Variants in LRRC4C observed in about 807,000 individuals in gnomAD.
The protein encoded by LRRC4C is leucine-rich repeat-containing protein 4C.
A neutral mutation model predicts 33.6 loss-of-function variants in LRRC4C; 5 were observed. The ratio of observed to expected loss-of-function variants is 0.15; its 90% CI spans 0.08 to 0.31. LRRC4C has a LOEUF of 0.31. LRRC4C is among the 10% of genes least tolerant of loss of function. The pLI is 1.00. For missense variants in LRRC4C, 560 were observed against 796.7 expected (o/e 0.70, Z 3.58); for synonymous variants, 329 against 302.0 (o/e 1.09, Z -0.93).
chr11:40,305,036 A>T (rs1439139328), intron 4 of LRRC4C, among the ~76,000 whole-genome samples: 1 of 152,172 alleles, frequency 6.6e-6, no homozygotes, highest in Non-Finnish European at 1.5e-5. Context: ...AAGTGCTGGG[A>T]TTACAGGCAT....
chr11:40,127,128 G>A (rs1490256186), intron 6 of LRRC4C, among the ~76,000 whole-genome samples: 2 of 151,040 alleles, frequency 1.3e-5, no homozygotes, highest in Admixed American at 1.3e-4. Flanking sequence ...AATACAAAAA[G>A]TAGCTGGGCA....
chr11:40,693,326 CAT>C (rs1565641939), intron 2 of LRRC4C, among the ~76,000 whole-genome samples: 2 of 152,026 alleles, frequency 1.3e-5, no homozygotes, highest in Non-Finnish European at 2.9e-5. Flanking sequence ...AGTTGATAGC[CAT>C]ATATAATGAT....
In LRRC4C at chr11:40,831,634, TA is replaced by T. The variant is rs539566661; in HGVS notation, c.-407+102000del. Among the ~76,000 whole-genome samples the T allele has an allele frequency of 1.5e-3, 229 of 152,194 alleles. 2 individuals are homozygous for T. The highest frequency in any genetic ancestry group is 5.4e-3 in the African/African-American group (225 of 41,538). ...GAAATACCCGAGACTGGGTAAATTA[TA>T]AAGAAAAAGAGGTTTAATGGACTCA... On this transcript the variant is annotated intron_variant, in intron 2 of 6. Coordinates refer to ENST00000528697, the MANE Select transcript of LRRC4C (RefSeq NM_001258419.2).
chr11:41,089,862 T>A (rs958604363), intron 1 of LRRC4C, among the ~76,000 whole-genome samples: 2 of 152,140 alleles, frequency 1.3e-5, no homozygotes, highest in African/African-American at 4.8e-5. Flanking sequence ...GATTTCTAAT[T>A]TTTAGTAATA....
chr11:40,199,400 G>A (rs1862525103), intron 5 of LRRC4C, among the ~76,000 whole-genome samples: 1 of 152,092 alleles, frequency 6.6e-6, no homozygotes, highest in South Asian at 2.1e-4. Context: ...TGTGGTTGTT[G>A]GGGAAGGAGG....
chr11:41,200,760 A>G (rs1946371902), intron 1 of LRRC4C, among the ~76,000 whole-genome samples: 1 of 152,188 alleles, frequency 6.6e-6, no homozygotes, highest in African/African-American at 2.4e-5. Flanking sequence ...TTCTTTTAAA[A>G]CAGTATTTTT....
chr11:40,366,249 A>G (rs1036428608), intron 3 of LRRC4C, among the ~76,000 whole-genome samples: 1 of 152,098 alleles, frequency 6.6e-6, no homozygotes, highest in African/African-American at 2.4e-5. Flanking sequence ...TTTATGGTGT[A>G]TTTGGATAAT....
intron 2 of LRRC4C, among the ~76,000 whole-genome samples, chr11:40,823,802 C>G (rs538903838): frequency 6.6e-6 from 1 of 151,874 alleles, no homozygotes; most frequent in East Asian, 1.9e-4. Flanking sequence ...CATAAACTTA[C>G]CCTATGACCT....
chr11:40,634,973 A>G, intron 3 of LRRC4C, among the ~76,000 whole-genome samples: 1 of 151,612 alleles, frequency 6.6e-6, no homozygotes. Flanking sequence ...ATTAATATTT[A>G]TCTGATCTCA....
intron 3 of LRRC4C, among the ~76,000 whole-genome samples, chr11:40,357,671 TTC>T (rs144048959): frequency 5.4e-4 from 80 of 147,788 alleles, no homozygotes; most frequent in Non-Finnish European, 5.4e-4. Context: ...TGAAAAACCC[TTC>T]TCTCTCTCTC....
intron 1 of LRRC4C, among the ~76,000 whole-genome samples, chr11:41,195,393 C>A (rs963654305): frequency 6.6e-6 from 1 of 151,948 alleles, no homozygotes; most frequent in Non-Finnish European, 1.5e-5. Context: ...TTTAAAAAAA[C>A]AAAATTATTA....
chr11:41,249,325 C>T (rs910380999), intron 1 of LRRC4C, among the ~76,000 whole-genome samples: 1 of 152,096 alleles, frequency 6.6e-6, no homozygotes, highest in Non-Finnish European at 1.5e-5. Flanking sequence ...TGAGCCACCG[C>T]GCCCGGCCAA....
intron 2 of LRRC4C, among the ~76,000 whole-genome samples, chr11:40,770,501 A>G (rs1373380774): frequency 6.6e-6 from 1 of 152,024 alleles, no homozygotes; most frequent in Non-Finnish European, 1.5e-5. Flanking sequence ...TCCCTCCCAA[A>G]CCTCATGTTT....
chr11:40,799,466 T>A (rs1311685556), intron 2 of LRRC4C, among the ~76,000 whole-genome samples: 1 of 152,168 alleles, frequency 6.6e-6, no homozygotes, highest in African/African-American at 2.4e-5. Context: ...TTAACCTAGA[T>A]TTGAATCCTA....
chr11:40,162,832 C>A (rs1859268818), intron 5 of LRRC4C, among the ~76,000 whole-genome samples: 1 of 152,172 alleles, frequency 6.6e-6, no homozygotes, highest in Non-Finnish European at 1.5e-5. Flanking sequence ...CCAAATACAA[C>A]AATGAGGCAC....
At chr11:40,254,250 A>G (rs2136203379) in intron 4 of LRRC4C, among the ~76,000 whole-genome samples, 1 of 152,342 alleles carries the variant, frequency 6.6e-6, no homozygotes, top group East Asian at 1.9e-4. Flanking sequence ...CTGATAAAAT[A>G]CCATGTTAGC....
At chr11:40,683,866 C>T (rs961735931) in intron 2 of LRRC4C, among the ~76,000 whole-genome samples, 1 of 152,182 alleles carries the variant, frequency 6.6e-6, no homozygotes, top group Non-Finnish European at 1.5e-5. Context: ...AAAACATAAA[C>T]TCTGCTAAAA....
chr11:40,871,007 G>T (rs544741057), intron 2 of LRRC4C, among the ~76,000 whole-genome samples: 1 of 152,082 alleles, frequency 6.6e-6, no homozygotes, highest in Admixed American at 6.6e-5. Context: ...CCACTTCGGC[G>T]GGGCGGCCGT....
In LRRC4C at chr11:40,115,348, C is replaced by A. The variant is rs151083424; in HGVS notation, c.945G>T (p.Trp315Cys). ...CNCDILWLSWWIKDMAPSNTA... is the reference protein window; with the variant it reads ...CNCDILWLSWCIKDMAPSNTA... ...TGTTCGAGGGGGCCATGTCTTTTAT[C>A]CACCAGCTGAGCCACAGTATGTCAC... The change falls in exon 7 of 7, where the codon TGG becomes TGT. Residue 315 changes from tryptophan (W) to cysteine (C), a missense_variant. Physicochemically the swap from Trp to Cys is radical, Grantham distance 215. Around this residue, in one of 3 missense-constraint regions of LRRC4C, gnomAD observed 455 missense variants for 643.8 expected, o/e 0.71. Coordinates refer to ENST00000528697, the MANE Select transcript of LRRC4C (RefSeq NM_001258419.2). This position sits in a 1 kb window ranked among gnomAD's most constrained non-coding sequence, Gnocchi z 6.7. The A allele has an allele frequency of 2.5e-6, 4 of 1,614,170 alleles. No homozygotes were observed. Among genetic ancestry groups the A allele is most frequent in the Non-Finnish European group, 8.5e-7 (1 of 1,180,032 alleles).
Sources: gnomAD v4.1 joint callset for allele counts (sites outside exome capture counted in the v4.1 genomes callset) on GRCh38, gnomAD v4.1.1 for gene constraint, gnomAD v4.1.1 regional missense constraint, Gnocchi (gnomAD v3.1) non-coding constraint, MANE v1.5 for transcripts, NCBI Gene and HGNC (gene_info 2026-07-23, HGNC 2026-07-21) for gene names.